The following SYT1 variants were observed in gnomAD, a reference collection of about 807,000 sequenced individuals.
The protein encoded by SYT1 is synaptotagmin-1.
SYT1 carries 8 observed loss-of-function variants against 44.8 expected under a neutral mutation model. The observed-to-expected ratio is 0.18, with a 90% CI of 0.10 to 0.32. The LOEUF (loss-of-function observed/expected upper bound fraction) is 0.32. Ranked by LOEUF, SYT1 falls within the 10% of genes least tolerant of loss-of-function variation. The probability of loss-of-function intolerance (pLI) is 1.00; values close to 1 mark genes in which losing one functional copy is unlikely to be tolerated. For missense variants in SYT1, 286 were observed against 509.3 expected, an observed-to-expected ratio of 0.56 and a Z score of 4.22; for synonymous variants, 154 against 188.8, an observed-to-expected ratio of 0.82 and a Z score of 1.51.
At chr12:78,890,094 C>T (rs972364141) in intron 1 of SYT1, among the ~76,000 whole-genome samples, 1 of 151,788 alleles carries the variant, frequency 6.6e-6, no homozygotes, top group African/African-American at 2.4e-5. Context: ...TTTGAATATT[C>T]CACTGTCACC....
At chr12:79,130,875 G>A (rs1053520858) in intron 3 of SYT1, among the ~76,000 whole-genome samples, 12 of 152,100 alleles carry the variant, frequency 7.9e-5, no homozygotes, top group African/African-American at 2.9e-4. Flanking sequence ...TCCCTTCATA[G>A]TTCTTAACAC....
intron 3 of SYT1, among the ~76,000 whole-genome samples, chr12:79,209,006 C>A (rs1344580614): frequency 6.6e-6 from 1 of 152,134 alleles, no homozygotes; most frequent in South Asian, 2.1e-4. Flanking sequence ...ATCCAGGCAC[C>A]TGGGTGTTTT....
chr12:79,339,461 A>G (rs1170526421), intron 8 of SYT1, among the ~76,000 whole-genome samples: 3 of 152,190 alleles, frequency 2.0e-5, no homozygotes, highest in Admixed American at 2.0e-4. Flanking sequence ...GGCTGCATAA[A>G]TGTCTTCTTT....
At chr12:78,993,155 A>G (rs974007406) in intron 2 of SYT1, among the ~76,000 whole-genome samples, 1 of 152,192 alleles carries the variant, frequency 6.6e-6, no homozygotes, top group Non-Finnish European at 1.5e-5. Context: ...TATAAAACAG[A>G]ATATGAAACT....
In SYT1 at chr12:79,217,558, G is replaced by T. The variant is rs374005304; in HGVS notation, c.39G>T (p.Pro13=). The T allele has an allele frequency of 3.1e-6, 5 of 1,610,036 alleles. No homozygotes were observed. The highest frequency in any genetic ancestry group is 4.5e-5 in the East Asian group (2 of 44,638). Residue 13 remains proline (P), a synonymous_variant, in exon 4 of 11, where the codon CCG becomes CCT. Coordinates refer to ENST00000261205, the MANE Select transcript of SYT1 (RefSeq NM_005639.3). ...SESHHEALAA[P]PVTTVATVLP... is the part of the protein sequence containing the mutation. Reference sequence around the variant, plus strand: ...GTCACCATGAGGCCCTGGCAGCCCCGCCTGTCACCACTGTCGCGACTGTTC... The same window carrying T: ...GTCACCATGAGGCCCTGGCAGCCCCTCCTGTCACCACTGTCGCGACTGTTC...
chr12:79,337,777 T>G (rs778661263), intron 8 of SYT1, among the ~76,000 whole-genome samples: 7 of 152,208 alleles, frequency 4.6e-5, no homozygotes, highest in Admixed American at 1.3e-4. Flanking sequence ...TTTCTAACTG[T>G]GCAGGTCAAA....
At chr12:79,030,234 C>G (rs76836446) in intron 2 of SYT1, among the ~76,000 whole-genome samples, 11,439 of 150,898 alleles carry the variant, frequency 0.076, 528 homozygotes, top group East Asian at 0.21. Flanking sequence ...TCATGAGAAA[C>G]CTGAATTTGC....
intron 3 of SYT1, among the ~76,000 whole-genome samples, chr12:79,081,160 G>A (rs533053172): frequency 1.3e-5 from 2 of 152,270 alleles, no homozygotes; most frequent in East Asian, 3.9e-4. Flanking sequence ...AAAAGCTATT[G>A]TGTGCCTGTG....
chr12:79,362,450 G>C (rs1883353779), intron 9 of SYT1, among the ~76,000 whole-genome samples: 2 of 152,170 alleles, frequency 1.3e-5, no homozygotes, highest in South Asian at 2.1e-4. Flanking sequence ...GCTTGATGTT[G>C]TCACAGAAGA....
intron 3 of SYT1, among the ~76,000 whole-genome samples, chr12:79,164,446 T>C (rs1160645723): frequency 6.6e-6 from 1 of 152,106 alleles, no homozygotes. Flanking sequence ...TGAGTACGAA[T>C]AAATATTTAT....
At chr12:79,305,392 A>G (rs1432602901) in intron 8 of SYT1, among the ~76,000 whole-genome samples, 1 of 152,116 alleles carries the variant, frequency 6.6e-6, no homozygotes. Flanking sequence ...TCCTTGTCAC[A>G]GTGATAACCA....
At chr12:79,362,550 A>T (rs550705679) in intron 9 of SYT1, among the ~76,000 whole-genome samples, 26 of 152,268 alleles carry the variant, frequency 1.7e-4, no homozygotes, top group African/African-American at 6.0e-4. Context: ...TTGGTTGTTC[A>T]CCTCAGAAAA....
intron 3 of SYT1, among the ~76,000 whole-genome samples, chr12:79,058,858 T>G (rs1875158353): frequency 6.6e-6 from 1 of 152,074 alleles, no homozygotes; most frequent in Non-Finnish European, 1.5e-5. Context: ...AATACTATAC[T>G]TAGGAGCCTA....
At chr12:78,986,784 A>G (rs1289011719) in intron 2 of SYT1, among the ~76,000 whole-genome samples, 2 of 152,008 alleles carry the variant, frequency 1.3e-5, no homozygotes, top group Non-Finnish European at 2.9e-5. Flanking sequence ...CTATAATAGA[A>G]TTATGGACTG....
At chr12:79,107,415 A>C (rs906306857) in intron 3 of SYT1, among the ~76,000 whole-genome samples, 44 of 152,124 alleles carry the variant, frequency 2.9e-4, no homozygotes, top group African/African-American at 1.1e-3. Context: ...CTATTAACAT[A>C]GATGAATACA....
At chr12:79,414,015 A>G (rs1868584148) in intron 9 of SYT1, among the ~76,000 whole-genome samples, 1 of 152,200 alleles carries the variant, frequency 6.6e-6, no homozygotes, top group South Asian at 2.1e-4. Context: ...CACCTGGAGT[A>G]CACCCCAATG....
intron 6 of SYT1, among the ~76,000 whole-genome samples, chr12:79,295,262 C>T (rs1233602644): frequency 6.6e-6 from 1 of 151,766 alleles, no homozygotes; most frequent in Non-Finnish European, 1.5e-5. Context: ...TTTTTTTCTT[C>T]GCAAAAATAT....
intron 3 of SYT1, among the ~76,000 whole-genome samples, chr12:79,184,391 T>G (rs1365344191): frequency 6.6e-6 from 1 of 152,028 alleles, no homozygotes; most frequent in Non-Finnish European, 1.5e-5. Flanking sequence ...ATACCTCACT[T>G]AACCTTTCAA....
rs371665462 is a variant in SYT1 at position 78,908,013 on chromosome 12, A to C, written c.-217+42904A>C. 1.2e-4 allele frequency among the ~76,000 whole-genome samples: 19 copies of C among 152,180 alleles called. No individual in the cohort carries two copies. The East Asian group carries it at 3.3e-3, about 26-fold the overall frequency. Reference sequence around the variant, plus strand: ...TTGATCAGCCAGCAGCCGTGTGATCACACTGAAAGTATGCAAATTTTGGTT... The same window carrying C: ...TTGATCAGCCAGCAGCCGTGTGATCCCACTGAAAGTATGCAAATTTTGGTT... On this transcript the variant is annotated intron_variant, in intron 1 of 10. Coordinates refer to ENST00000261205, the MANE Select transcript of SYT1 (RefSeq NM_005639.3).
Sources: allele counts gnomAD v4.1 joint callset (sites outside exome capture counted in the v4.1 genomes callset), GRCh38; gene constraint gnomAD v4.1.1; transcripts MANE v1.5; gene names NCBI Gene and HGNC (gene_info 2026-07-23, HGNC 2026-07-21).